The following STAT4 variants were observed in gnomAD, a reference collection of about 807,000 sequenced individuals.
The protein encoded by STAT4 is signal transducer and activator of transcription 4.
A neutral mutation model predicts 110.5 loss-of-function variants in STAT4; 42 were observed. The observed-to-expected ratio is 0.38, with a 90% CI of 0.30 to 0.49. The LOEUF is 0.49. Ranked by LOEUF, STAT4 falls within the 20% of genes least tolerant of loss-of-function variation. STAT4 has a pLI of 0.95. For missense variants in STAT4, 632 were observed against 887.9 expected (o/e 0.71, Z 3.66); for synonymous variants, 284 against 302.2 (o/e 0.94, Z 0.63).
intron 6 of STAT4, chr2:191,068,431 C>T (rs1676484110): frequency 2.0e-5 from 3 of 152,066 alleles, no homozygotes; most frequent in Non-Finnish European, 4.4e-5. Flanking sequence ...TAATTGTGAA[C>T]ATTTTGAATA....
In STAT4 at chr2:191,058,763, T is replaced by C; in HGVS notation, c.1041A>G (p.Leu347=). ...GATAGTTTAGTTCTGGCAATTTTATTAGTAGCCTGGAAAGAGATATCAATA... is the reference window on the plus strand; with the variant it reads ...GATAGTTTAGTTCTGGCAATTTTATCAGTAGCCTGGAAAGAGATATCAATA... ...LIQFTVKLRL[L]IKLPELNYQV... The change falls in exon 11 of 24, where the codon CTA becomes CTG. Residue 347 remains leucine, a synonymous_variant. Transcript: ENST00000392320. This position sits in a 1 kb window ranked among gnomAD's most constrained non-coding sequence, Gnocchi z 4.3. 1 of 1,581,108 alleles carries C rather than the reference T, an allele frequency of 6.3e-7. No homozygotes were observed. Among genetic ancestry groups the C allele is most frequent in the Non-Finnish European group, 8.6e-7 (1 of 1,158,242 alleles).
chr2:191,148,291 G>A, intron 1 of STAT4, 87 bp from the exon 2 acceptor site: 1 of 1,455,578 alleles, frequency 6.9e-7, no homozygotes, highest in Non-Finnish European at 9.3e-7. Flanking sequence ...ATTAGTCAAT[G>A]TTATGACTGA....
chr2:191,132,926 T>C (rs1391978143), intron 3 of STAT4, among the ~76,000 whole-genome samples: 1 of 151,456 alleles, frequency 6.6e-6, no homozygotes, highest in African/African-American at 2.4e-5. Flanking sequence ...GGCTAATTTT[T>C]TGTATTTTTA....
intron 3 of STAT4, among the ~76,000 whole-genome samples, chr2:191,126,230 C>T (rs1221213878): frequency 6.6e-6 from 1 of 152,026 alleles, no homozygotes; most frequent in Non-Finnish European, 1.5e-5. Flanking sequence ...ATGTTAGAGG[C>T]CTATTTAAGG....
rs1699460000 is a variant in STAT4, at chr2:191,146,367, C to CAT, written c.273+244_273+245dup. 6.6e-6 allele frequency among the ~76,000 whole-genome samples: 1 copy of CAT among 152,286 alleles called. No individual in the cohort carries two copies. The highest frequency in any genetic ancestry group is 2.1e-4 in the South Asian group (1 of 4,830). On this transcript the variant is annotated intron_variant, in intron 3 of 23. Transcript: ENST00000392320. This position sits in a 1 kb window ranked among gnomAD's most constrained non-coding sequence, Gnocchi z 4.5. ...TGAATCATAGCTAGTAAACAAGATA[C>CAT]ATGCAAGTCCCACATGCAACACACT...
In STAT4 at chr2:191,057,643, G is replaced by T. The variant is rs1218151925; in HGVS notation, c.1206+375C>A. ...AGATGCAGTCTCGCATTGTGGCCTG[G>T]GCTGGAGTGCACTGGCACGATCTCA... is the stretch of plus-strand genomic sequence containing the variant. On this transcript the variant is annotated intron_variant, in intron 13 of 23. Coordinates refer to ENST00000392320, the MANE Select transcript of STAT4 (RefSeq NM_003151.4). Among the ~76,000 whole-genome samples, 4 of 148,008 alleles carry T rather than the reference G, an allele frequency of 2.7e-5. No individual in the cohort carries two copies. The East Asian group carries it at 5.9e-4, about 22-fold the overall frequency.
At chr2:191,084,198 G>A (rs1197150565) in intron 3 of STAT4, among the ~76,000 whole-genome samples, 1 of 151,920 alleles carries the variant, frequency 6.6e-6, no homozygotes, top group Admixed American at 6.6e-5. Context: ...GGAGGCAGAG[G>A]TTGCAGTGAG....
In STAT4 at chr2:191,072,036, G is replaced by A. The variant is rs139193192; in HGVS notation, c.465+1062C>T. Among the ~76,000 whole-genome samples, 966 of 152,206 alleles carry A rather than the reference G, an allele frequency of 6.3e-3. 10 individuals are homozygous for A. The highest frequency in any genetic ancestry group is 0.021 in the African/African-American group (881 of 41,532). ...GTCTGAAGGCAGCCAAAGTCTCCCC[G>A]TAGAGTCAATTCACCAGAGAAGCCA... On this transcript the variant is annotated intron_variant, in intron 5 of 23. Coordinates refer to ENST00000392320, the MANE Select transcript of STAT4 (RefSeq NM_003151.4).
At chr2:191,040,607 G>A (rs1055901984) in intron 15 of STAT4, among the ~76,000 whole-genome samples, 7 of 151,956 alleles carry the variant, frequency 4.6e-5, no homozygotes, top group African/African-American at 1.7e-4. Context: ...TGTCACCCAG[G>A]CTGGAGTGCA....
Position 191,031,174 on chromosome 2 carries a change from C to T in STAT4, c.2112-94G>A. The T allele has an allele frequency of 1.5e-6, 2 of 1,294,264 alleles. No homozygotes were observed. Among genetic ancestry groups the T allele is most frequent in the South Asian group, 2.5e-5 (2 of 78,628 alleles). 80.2% of individuals were successfully genotyped at this position (1,294,264 alleles called of 1,614,324 possible). ...TGTCAGGAACTCATTTCTAGGGCTT[C>T]ATCTATTTGTGACATTGAGTTATCT... On this transcript the variant is annotated intron_variant, in intron 22 of 23. Transcript: ENST00000392320. This position sits in a 1 kb window ranked among gnomAD's most constrained non-coding sequence, Gnocchi z 4.8.
intron 3 of STAT4, among the ~76,000 whole-genome samples, chr2:191,102,833 T>C (rs1329959642): frequency 2.0e-5 from 3 of 152,186 alleles, no homozygotes; most frequent in African/African-American, 7.2e-5. Flanking sequence ...TCCATTCGCT[T>C]TTGTGTCCAT....
At chr2:191,139,681 A>T (rs1245248038) in intron 3 of STAT4, among the ~76,000 whole-genome samples, 1 of 152,214 alleles carries the variant, frequency 6.6e-6, no homozygotes, top group African/African-American at 2.4e-5. Flanking sequence ...ACTCTGCCCA[A>T]ATCAGTCTAC....
chr2:191,064,848 G>C lies in STAT4; in HGVS notation c.741C>G (p.Ile247Met), dbSNP rs189939340. 1.2e-6 allele frequency: 2 copies of C among 1,612,924 alleles called. No homozygotes were observed. The highest frequency in any genetic ancestry group is 1.1e-5 in the South Asian group (1 of 90,986). ...CGAGCCCATTGTGGAGTGGACCCCC[G>C]ATGCAGGCGATTTGCTGCCGCCGCT... Reference protein sequence around the residue: ...DWKRRQQIACIGGPLHNGLDQ... With the variant: ...DWKRRQQIACMGGPLHNGLDQ... Residue 247 changes from isoleucine to methionine, a missense_variant, in exon 8 of 24, where the codon ATC (isoleucine) becomes ATG (methionine). Physicochemically the swap from Ile to Met is conservative, Grantham distance 10. Coordinates refer to ENST00000392320, the MANE Select transcript of STAT4 (RefSeq NM_003151.4).
rs1698108702 is a variant in STAT4 at position 191,099,861 on chromosome 2, T to C, written c.274-23536A>G. ...ATGATCTACTTTATGGAAAATTACATGAGTGTGTATGCAGTAAAAGTATGA... is the reference window on the plus strand; with the variant it reads ...ATGATCTACTTTATGGAAAATTACACGAGTGTGTATGCAGTAAAAGTATGA... On this transcript the variant is annotated intron_variant, in intron 3 of 23. Transcript: ENST00000392320. The surrounding 1 kb of genome is among the most constrained non-coding windows in gnomAD (Gnocchi z 4.1). Among the ~76,000 whole-genome samples the C allele has an allele frequency of 6.6e-6, 1 of 152,136 alleles. No individual in the cohort carries two copies. The highest frequency in any genetic ancestry group is 2.1e-4 in the South Asian group (1 of 4,832).
At chr2:191,151,097 C>A, upstream of STAT4, 1 of 985,408 alleles carries the variant, frequency 1.0e-6, no homozygotes, top group Non-Finnish European at 1.2e-6. This position sits in a 1 kb window ranked among gnomAD's most constrained non-coding sequence, Gnocchi z 4.7. Flanking sequence ...CGTCAGTGTT[C>A]GAGTCTCTGG....
chr2:191,093,616 C>T (rs1347826310), intron 3 of STAT4, among the ~76,000 whole-genome samples: 3 of 152,208 alleles, frequency 2.0e-5, no homozygotes, highest in African/African-American at 7.2e-5. Context: ...GTAGATAAAA[C>T]CACAAAGCCG....
At position 191,033,052 on chromosome 2, in the gene STAT4, A is replaced by C; in HGVS notation, c.1950T>G (p.Ala650=). ...DILRDYKVIM[A]ENIPENPLKY... is the part of the protein sequence containing the mutation. ...TCAGAGGGTTTTCAGGAATGTTTTC[A>C]GCCATAATAACTTTGTAGTCTCGCA... The change falls in exon 21 of 24, where the codon GCT becomes GCG. Residue 650 remains alanine (A), a synonymous_variant. Coordinates refer to ENST00000392320, the MANE Select transcript of STAT4 (RefSeq NM_003151.4). The surrounding 1 kb of genome is among the most constrained non-coding windows in gnomAD (Gnocchi z 6.9). 6.2e-7 allele frequency: 1 copy of C among 1,614,244 alleles called. No homozygotes were observed.
At chr2:191,133,196 A>C (rs1327075043) in intron 3 of STAT4, among the ~76,000 whole-genome samples, 1 of 151,134 alleles carries the variant, frequency 6.6e-6, no homozygotes, top group African/African-American at 2.4e-5. Flanking sequence ...ATATATATTA[A>C]TAATATGGTT....
At chr2:191,070,806 C>T (rs913922484) in intron 5 of STAT4, among the ~76,000 whole-genome samples, 2 of 150,116 alleles carry the variant, frequency 1.3e-5, no homozygotes, top group Non-Finnish European at 2.9e-5. Flanking sequence ...GCTGCATGGA[C>T]TTGGGCAAAT....
Sources: gnomAD v4.1 joint callset for allele counts (sites outside exome capture counted in the v4.1 genomes callset) on GRCh38, gnomAD v4.1.1 for gene constraint, Gnocchi (gnomAD v3.1) non-coding constraint, MANE v1.5 for transcripts, NCBI Gene and HGNC (gene_info 2026-07-23, HGNC 2026-07-21) for gene names.